Variants in ASTN2 observed in about 807,000 individuals in gnomAD.
The protein encoded by ASTN2 is astrotactin-2.
A neutral mutation model predicts 139.8 loss-of-function variants in ASTN2; 54 were observed. That is an observed-to-expected ratio of 0.39 (90% CI 0.31 to 0.48). The LOEUF is 0.48. Among genes scored for constraint, ASTN2 ranks in the 20% least tolerant of loss-of-function variants. The probability of loss-of-function intolerance (pLI) is 0.95; values close to 1 mark genes in which losing one functional copy is unlikely to be tolerated. For missense variants in ASTN2, 1,565 were observed against 1,725.1 expected (o/e 0.91, Z 1.64); for synonymous variants, 756 against 719.5 (o/e 1.05, Z -0.81).
At position 116,509,726 on chromosome 9, in the gene ASTN2, T is replaced by C. The variant is rs150209002; in HGVS notation, c.3356-22226A>G. On this transcript the variant is annotated intron_variant, in intron 19 of 22. Coordinates refer to ENST00000313400, the MANE Select transcript of ASTN2 (RefSeq NM_001365068.1). ...CTAACTGGTGTGAGATGGTATCTCA[T>C]TGTGGTTTTGATTTGCATTTCTCTG... Among the ~76,000 whole-genome samples, 549 of 152,148 alleles carry C rather than the reference T, an allele frequency of 3.6e-3. 2 individuals carry two copies. Among genetic ancestry groups the C allele is most frequent in the African/African-American group, 0.013 (521 of 41,564 alleles).
chr9:117,372,714 A>T (rs1321662420), intron 1 of ASTN2, among the ~76,000 whole-genome samples: 3 of 152,178 alleles, frequency 2.0e-5, no homozygotes, highest in Non-Finnish European at 4.4e-5. Context: ...TAATAGATTT[A>T]AAAATTTTTA....
At chr9:116,785,631 C>T (rs570888707) in intron 13 of ASTN2, among the ~76,000 whole-genome samples, 2 of 152,308 alleles carry the variant, frequency 1.3e-5, no homozygotes, top group African/African-American at 4.8e-5. Context: ...AATGGCACAT[C>T]CGTCTGTCCA....
At chr9:116,529,718 C>G (rs574365405) in intron 19 of ASTN2, among the ~76,000 whole-genome samples, 2 of 151,974 alleles carry the variant, frequency 1.3e-5, no homozygotes, top group South Asian at 2.1e-4. Context: ...CTATGCTGTT[C>G]TCATGATAGT....
At chr9:117,120,936 TCAAA>T (rs1205961353) in intron 4 of ASTN2, among the ~76,000 whole-genome samples, 3 of 152,176 alleles carry the variant, frequency 2.0e-5, no homozygotes, top group African/African-American at 7.2e-5. Context: ...TAATACAAAC[TCAAA>T]CAAATTGTAG....
chr9:116,794,096 C>CTTTT lies in ASTN2; in HGVS notation c.2396+11532_2396+11535dup, dbSNP rs35428342. 3.0e-4 allele frequency among the ~76,000 whole-genome samples: 37 copies of CTTTT among 123,834 alleles called. 1 individual carries two copies. The highest frequency in any genetic ancestry group is 1.3e-3 in the Admixed American group (14 of 11,162). 81.2% of individuals were successfully genotyped at this position (123,834 alleles called of 152,430 possible). On this transcript the variant is annotated intron_variant, in intron 13 of 22. Coordinates refer to ENST00000313400, the MANE Select transcript of ASTN2 (RefSeq NM_001365068.1). ...AACAAAACAAAACAAAAATAAACAC[C>CTTTT]TTTTTTTTTTTTTTTTTTGAGATGG...
At chr9:116,560,716 T>C (rs752843504) in intron 19 of ASTN2, among the ~76,000 whole-genome samples, 13 of 152,186 alleles carry the variant, frequency 8.5e-5, no homozygotes, top group Non-Finnish European at 1.8e-4. Flanking sequence ...CATATCTGTC[T>C]TTAACCTCTA....
At chr9:117,047,406 C>T (rs769956154) in intron 5 of ASTN2, among the ~76,000 whole-genome samples, 6 of 152,110 alleles carry the variant, frequency 3.9e-5, no homozygotes, top group African/African-American at 1.2e-4. Flanking sequence ...TGTCTGACTA[C>T]GGCACTCTCA....
chr9:116,813,809 C>T (rs1363057467), intron 12 of ASTN2, among the ~76,000 whole-genome samples: 1 of 151,888 alleles, frequency 6.6e-6, no homozygotes, highest in African/African-American at 2.4e-5. Context: ...CTGAGACTGG[C>T]GGATCACCTG....
chr9:116,848,569 G>A (rs1832507701), intron 11 of ASTN2, among the ~76,000 whole-genome samples: 1 of 152,176 alleles, frequency 6.6e-6, no homozygotes, highest in Non-Finnish European at 1.5e-5. Context: ...GTAAGTGGTG[G>A]AGCCAGGAAG....
At chr9:117,282,617 G>GTTTTTTTTTTTTTTTTGGAAACTCT (rs1670494970) in intron 2 of ASTN2, among the ~76,000 whole-genome samples, 1 of 135,350 alleles carries the variant, frequency 7.4e-6, no homozygotes, top group African/African-American at 3.9e-5. Flanking sequence ...GCCATGTGAT[G>GTTTTTTTTTTTTTTTTGGAAACTCT]TGCTTTGGCC....
intron 3 of ASTN2, among the ~76,000 whole-genome samples, chr9:117,203,013 C>A (rs564566511): frequency 3.9e-5 from 6 of 152,154 alleles, no homozygotes; most frequent in Non-Finnish European, 8.8e-5. Flanking sequence ...TACCACATTT[C>A]GTGCAGGCTT....
At chr9:117,260,869 C>A (rs1196584921) in intron 2 of ASTN2, among the ~76,000 whole-genome samples, 1 of 152,132 alleles carries the variant, frequency 6.6e-6, no homozygotes, top group Non-Finnish European at 1.5e-5. Context: ...TAATATATAG[C>A]TTAAATTGAC....
chr9:117,384,133 C>T (rs542548927), intron 1 of ASTN2, among the ~76,000 whole-genome samples: 14 of 152,094 alleles, frequency 9.2e-5, no homozygotes, highest in African/African-American at 1.2e-4. Context: ...AGCTGCTGGG[C>T]GGGGTTGCGT....
At chr9:117,355,321 G>T (rs532992855) in intron 1 of ASTN2, among the ~76,000 whole-genome samples, 111 of 152,310 alleles carry the variant, frequency 7.3e-4, no homozygotes, top group African/African-American at 2.5e-3. Context: ...AGACTGAAGA[G>T]GCTGCTGCAA....
At chr9:117,164,847 G>T (rs1453549163) in intron 3 of ASTN2, among the ~76,000 whole-genome samples, 2 of 152,114 alleles carry the variant, frequency 1.3e-5, no homozygotes, top group Non-Finnish European at 2.9e-5. Context: ...TGATAGCCAA[G>T]TTGAATGAAT....
At chr9:116,722,217 A>T (rs1469212188) in intron 16 of ASTN2, among the ~76,000 whole-genome samples, 1 of 152,216 alleles carries the variant, frequency 6.6e-6, no homozygotes, top group Non-Finnish European at 1.5e-5. Flanking sequence ...AACAGAGCCT[A>T]TATCTTCTTT....
intron 4 of ASTN2, among the ~76,000 whole-genome samples, chr9:117,117,219 G>A (rs1829417713): frequency 6.6e-6 from 1 of 152,110 alleles, no homozygotes; most frequent in Non-Finnish European, 1.5e-5. Flanking sequence ...GAAGACACAT[G>A]AAAGTTTCTA....
At chr9:116,995,969 GGCT>G (rs1837001126) in intron 7 of ASTN2, among the ~76,000 whole-genome samples, 1 of 152,040 alleles carries the variant, frequency 6.6e-6, no homozygotes, top group African/African-American at 2.4e-5. Context: ...GCCTCCAAGT[GGCT>G]AGGACTACAG....
At chr9:116,491,097 C>T (rs1272283230) in intron 19 of ASTN2, among the ~76,000 whole-genome samples, 3 of 152,220 alleles carry the variant, frequency 2.0e-5, no homozygotes, top group Non-Finnish European at 2.9e-5. Flanking sequence ...AGTGAAGGAA[C>T]TGGCTCACCT....
Sources: allele counts gnomAD v4.1 joint callset (sites outside exome capture counted in the v4.1 genomes callset), GRCh38; gene constraint gnomAD v4.1.1; transcripts MANE v1.5; gene names NCBI Gene and HGNC (gene_info 2026-07-23, HGNC 2026-07-21).